Variants in RBFOX1 observed in about 807,000 individuals in gnomAD.
RBFOX1 encodes the protein RNA binding fox-1 homolog 1, also known as RNA binding protein fox-1 homolog 1.
RBFOX1 carries 8 observed loss-of-function variants against 57.7 expected under a neutral mutation model. That is an observed-to-expected ratio of 0.14 (90% CI 0.08 to 0.25). The LOEUF is 0.25. Among genes scored for constraint, RBFOX1 ranks in the 10% least tolerant of loss-of-function variants. The pLI is 1.00. For synonymous variants in RBFOX1, 326 were observed against 222.4 expected (o/e 1.47, Z -4.15); for missense variants, 611 against 548.5 (o/e 1.11, Z -1.14).
chr16:7,400,395 A>T (rs186302879), intron 4 of RBFOX1, among the ~76,000 whole-genome samples: 64 of 152,336 alleles, frequency 4.2e-4, no homozygotes, highest in Middle Eastern at 6.8e-3. Context: ...GCTAGCAGAC[A>T]TATTCAGATC....
At chr16:6,749,658 C>T (rs1282347999) in intron 3 of RBFOX1, among the ~76,000 whole-genome samples, 1 of 152,114 alleles carries the variant, frequency 6.6e-6, no homozygotes, top group South Asian at 2.1e-4. Context: ...CTAATCAGTA[C>T]ATCAGGGGTA....
rs116658455 is a variant in RBFOX1, at chr16:5,321,866, C to G, written c.219+81761C>G. 7.7e-3 allele frequency among the ~76,000 whole-genome samples: 1,177 copies of G among 152,250 alleles called. 15 individuals carry two copies. The highest frequency in any genetic ancestry group is 0.027 in the African/African-American group (1,121 of 41,538). ...AGCCTGTCTTCATCCAAGGTGACCT[C>G]TGTAGCACAGAGCAGGGACCCACAC... On this transcript the variant is annotated intron_variant, in intron 1 of 2. Coordinates refer to the RBFOX1 transcript ENST00000585867.
intron 3 of RBFOX1, chr16:6,721,698 T>A (rs1480005127): frequency 6.6e-6 from 1 of 152,172 alleles, no homozygotes; most frequent in Non-Finnish European, 1.5e-5. Context: ...GTTTGTCTTT[T>A]TGTGACTGTC....
At chr16:6,056,283 G>A (rs115988615) in intron 1 of RBFOX1, among the ~76,000 whole-genome samples, 2 of 152,080 alleles carry the variant, frequency 1.3e-5, no homozygotes, top group African/African-American at 2.4e-5. Context: ...TTGACATTTA[G>A]CTGTCAACGA....
At chr16:6,304,757 C>G (rs563245172) in intron 1 of RBFOX1, among the ~76,000 whole-genome samples, 2 of 150,750 alleles carry the variant, frequency 1.3e-5, no homozygotes, top group African/African-American at 2.5e-5. Flanking sequence ...CGGTGGTGCA[C>G]GCCTGTGGTG....
chr16:6,246,096 C>T (rs2097567673), intron 1 of RBFOX1, among the ~76,000 whole-genome samples: 1 of 152,060 alleles, frequency 6.6e-6, no homozygotes, highest in African/African-American at 2.4e-5. Context: ...GTAGTTTTAA[C>T]AAAACAACAA....
intron 4 of RBFOX1, among the ~76,000 whole-genome samples, chr16:7,442,399 G>A (rs902115712): frequency 2.0e-5 from 3 of 152,080 alleles, no homozygotes; most frequent in Admixed American, 6.5e-5. Flanking sequence ...AGCATTTGTC[G>A]AACTCTGGGC....
intron 3 of RBFOX1, among the ~76,000 whole-genome samples, chr16:6,840,095 C>G (rs763571769): frequency 2.0e-4 from 30 of 152,226 alleles, no homozygotes; most frequent in Admixed American, 9.2e-4. Flanking sequence ...CTGATCAGTA[C>G]TACTGAATTG....
chr16:6,763,400 C>T (rs1326564351), intron 3 of RBFOX1, among the ~76,000 whole-genome samples: 2 of 152,174 alleles, frequency 1.3e-5, no homozygotes, highest in South Asian at 2.1e-4. Context: ...TATTGTTTGG[C>T]ACAACCATTC....
chr16:7,197,654 G>A (rs59205047), intron 4 of RBFOX1, among the ~76,000 whole-genome samples: 2 of 152,040 alleles, frequency 1.3e-5, no homozygotes, highest in Non-Finnish European at 2.9e-5. Context: ...ATCCACAATA[G>A]CTAAAAGGTG....
chr16:7,249,973 A>G (rs1386910914), intron 4 of RBFOX1, among the ~76,000 whole-genome samples: 1 of 152,236 alleles, frequency 6.6e-6, no homozygotes, highest in African/African-American at 2.4e-5. Context: ...AATAATGAAG[A>G]GAAGCATTAT....
intron 1 of RBFOX1, among the ~76,000 whole-genome samples, chr16:6,061,479 A>G (rs74587075): frequency 0.13 from 19,062 of 151,794 alleles, 1,426 homozygotes; most frequent in African/African-American, 0.2. Flanking sequence ...ATCTATTTTC[A>G]TTGTATAACA....
chr16:5,491,721 C>G (rs552402631), intron 2 of RBFOX1, among the ~76,000 whole-genome samples: 6 of 152,244 alleles, frequency 3.9e-5, no homozygotes, highest in African/African-American at 1.4e-4. Context: ...TGTTCTCAGA[C>G]TGCTTCTGTG....
intron 14 of RBFOX1, among the ~76,000 whole-genome samples, chr16:7,687,896 T>G (rs1255939165): frequency 1.3e-5 from 2 of 151,982 alleles, no homozygotes; most frequent in Non-Finnish European, 2.9e-5. Context: ...CAGATGAGAA[T>G]CAACCCCAGG....
At chr16:7,350,095 C>A (rs149215893) in intron 4 of RBFOX1, among the ~76,000 whole-genome samples, 33 of 151,994 alleles carry the variant, frequency 2.2e-4, no homozygotes, top group African/African-American at 8.0e-4. Flanking sequence ...TGCAGTGAGC[C>A]GAGATCAGGC....
At chr16:5,596,633 T>G (rs2047192361) in intron 2 of RBFOX1, among the ~76,000 whole-genome samples, 1 of 152,220 alleles carries the variant, frequency 6.6e-6, no homozygotes, top group African/African-American at 2.4e-5. Context: ...ACTTGGGTCT[T>G]GTCACTGGGT....
chr16:6,031,572 T>C (rs1330968599), intron 1 of RBFOX1, among the ~76,000 whole-genome samples: 1 of 152,228 alleles, frequency 6.6e-6, no homozygotes, highest in Non-Finnish European at 1.5e-5. Flanking sequence ...TGAGTGGATG[T>C]GCACACACAT....
At chr16:7,443,049 T>C (rs2098781336) in intron 4 of RBFOX1, among the ~76,000 whole-genome samples, 1 of 152,164 alleles carries the variant, frequency 6.6e-6, no homozygotes, top group Admixed American at 6.5e-5. Flanking sequence ...GGCAGCCCCA[T>C]TCGTATCAAA....
chr16:7,301,647 C>T (rs1164552752), intron 4 of RBFOX1, among the ~76,000 whole-genome samples: 1 of 151,974 alleles, frequency 6.6e-6, no homozygotes, highest in Non-Finnish European at 1.5e-5. Flanking sequence ...TATTAAAGTG[C>T]CATGTATTAT....
Sources: allele counts gnomAD v4.1 joint callset (sites outside exome capture counted in the v4.1 genomes callset), GRCh38; gene constraint gnomAD v4.1.1; transcripts MANE v1.5; gene names NCBI Gene and HGNC (gene_info 2026-07-23, HGNC 2026-07-21).